The following HOOK1 variants were observed in gnomAD, a reference collection of about 807,000 sequenced individuals.
HOOK1 encodes the protein protein Hook homolog 1.
In HOOK1, 60 loss-of-function variants were observed where a neutral mutation model predicts 112.8. The ratio of observed to expected loss-of-function variants is 0.53; its 90% confidence interval spans 0.43 to 0.66. The LOEUF (loss-of-function observed/expected upper bound fraction) is 0.66. Among genes scored for constraint, HOOK1 ranks in the 30% least tolerant of loss-of-function variants. HOOK1 has a pLI of 0.00. For synonymous variants in HOOK1, 294 were observed against 283.8 expected (o/e 1.04, Z -0.36); for missense variants, 770 against 856.0 (o/e 0.90, Z 1.25).
chr1:59,815,498 C>T, intron 1 of HOOK1: 1 of 387,898 alleles, frequency 2.6e-6, no homozygotes, highest in East Asian at 5.7e-5. Flanking sequence ...CCTCTTTTCT[C>T]CCCGCTGCCC....
intron 21 of HOOK1, 37 bp from the exon 22 acceptor site, chr1:59,872,758 T>C: frequency 1.5e-6 from 2 of 1,340,828 alleles, no homozygotes; most frequent in South Asian, 2.0e-5. Context: ...CTCTGTTTAG[T>C]CATGTTAAAT....
At chr1:59,861,764 A>T (rs553003487) in intron 15 of HOOK1, among the ~76,000 whole-genome samples, 82 of 152,294 alleles carry the variant, frequency 5.4e-4, no homozygotes, top group African/African-American at 1.9e-3. Flanking sequence ...TGGTGTACTT[A>T]CTATAAGGGT....
chr1:59,846,787 T>C (rs922176886), intron 9 of HOOK1, among the ~76,000 whole-genome samples: 1 of 151,526 alleles, frequency 6.6e-6, no homozygotes, highest in African/African-American at 2.4e-5. Flanking sequence ...AGGAATGTGT[T>C]GTTTAATTTA....
chr1:59,817,278 C>T (rs947728283), intron 1 of HOOK1, among the ~76,000 whole-genome samples: 1 of 152,204 alleles, frequency 6.6e-6, no homozygotes, highest in African/African-American at 2.4e-5. Flanking sequence ...ATGCTTCACT[C>T]TCATTCAGTC....
chr1:59,862,867 A>G lies in HOOK1; in HGVS notation c.1616A>G (p.Glu539Gly). ...TTACAGGAACAAGGTTCCAAGTCTG[A>G]AGGCGAAAGTGTAAGTAACTTAGAA... Reference protein sequence around the residue: ...KSLQEQGSKSEGESSSKLKQK... With the variant: ...KSLQEQGSKSGGESSSKLKQK... The change falls in exon 16 of 22, where the codon GAA (glutamate) becomes GGA (glycine). Residue 539 changes from glutamate to glycine, a missense_variant. Around this residue, in one of 3 missense-constraint regions of HOOK1, gnomAD observed 655 missense variants for 725.9 expected, o/e 0.90. Transcript: ENST00000371208. 6.3e-7 allele frequency: 1 copy of G among 1,592,386 alleles called. No homozygotes were observed. The highest frequency in any genetic ancestry group is 8.6e-7 in the Non-Finnish European group (1 of 1,160,406).
chr1:59,832,231 C>T lies in HOOK1; in HGVS notation c.273+18C>T. On this transcript the variant is annotated intron_variant, in intron 4 of 21. Coordinates refer to ENST00000371208, the MANE Select transcript of HOOK1 (RefSeq NM_015888.6). ...ATCATGAGGTATGAAAACCATCTGA[C>T]TTTGTTTAAATGCATCATGCTATAC... The T allele has an allele frequency of 6.6e-7, 1 of 1,505,504 alleles. No homozygotes were observed. Among genetic ancestry groups the T allele is most frequent in the Non-Finnish European group, 9.1e-7 (1 of 1,104,034 alleles). 93.3% of individuals were successfully genotyped at this position (1,505,504 alleles called of 1,614,324 possible).
chr1:59,863,793 C>T, intron 16 of HOOK1: 1 of 798,818 alleles, frequency 1.3e-6, no homozygotes, highest in Non-Finnish European at 1.5e-6. Flanking sequence ...ATATTATTTT[C>T]TTTTTTTTTT....
intron 15 of HOOK1, 74 bp from the exon 16 acceptor site, chr1:59,862,710 G>A: frequency 3.6e-6 from 3 of 830,422 alleles, no homozygotes; most frequent in Non-Finnish European, 6.0e-6. Flanking sequence ...ATTGCTAACT[G>A]AATGTACCTT....
rs578189895 is a variant in HOOK1 at position 59,870,212 on chromosome 1, A to G, written c.1948-830A>G. Among the ~76,000 whole-genome samples the G allele has an allele frequency of 1.4e-4, 22 of 152,350 alleles. No individual in the cohort carries two copies. The South Asian group carries it at 2.7e-3, about 19-fold the overall frequency. ...TTTGAAATGTACATCCCCAACAGATATGATGAGAAAATAGTCCCTGTAACT... is the reference window on the plus strand; with the variant it reads ...TTTGAAATGTACATCCCCAACAGATGTGATGAGAAAATAGTCCCTGTAACT... On this transcript the variant is annotated intron_variant, in intron 20 of 21. Transcript: ENST00000371208.
chr1:59,866,595 C>G (rs1559063158), intron 19 of HOOK1, among the ~76,000 whole-genome samples: 1 of 152,044 alleles, frequency 6.6e-6, no homozygotes, highest in Non-Finnish European at 1.5e-5. Flanking sequence ...TTCACTTGAC[C>G]TTGTCCAACT....
intron 1 of HOOK1, 108 bp from the exon 2 acceptor site, chr1:59,821,750 T>G (rs986315079): frequency 3.3e-5 from 12 of 364,872 alleles, no homozygotes; most frequent in Admixed American, 2.0e-4. Flanking sequence ...CAGGACCATG[T>G]TTTTTTTTTT....
intron 12 of HOOK1, among the ~76,000 whole-genome samples, chr1:59,855,615 T>C (rs2098410034): frequency 6.6e-6 from 1 of 152,000 alleles, no homozygotes; most frequent in South Asian, 2.1e-4. Context: ...GTGCTACTTT[T>C]AAAGAATAAG....
chr1:59,852,808 C>T (rs2098407943), intron 12 of HOOK1, among the ~76,000 whole-genome samples: 1 of 151,328 alleles, frequency 6.6e-6, no homozygotes, highest in Non-Finnish European at 1.5e-5. Context: ...ATTTATTTTG[C>T]TACATCCTGT....
intron 18 of HOOK1, 84 bp from the exon 19 acceptor site, chr1:59,865,782 TTATAAA>T (rs1643953041): frequency 1.9e-5 from 9 of 465,328 alleles, no homozygotes; most frequent in East Asian, 1.2e-4. Flanking sequence ...AAAATAAATA[TTATAAA>T]TATAATTTTA....
chr1:59,850,453 A>C (rs932325526), intron 12 of HOOK1, among the ~76,000 whole-genome samples: 1 of 151,426 alleles, frequency 6.6e-6, no homozygotes, highest in African/African-American at 2.4e-5. Context: ...GTGTAACCTA[A>C]GGTACAAAGA....
At chr1:59,833,366 C>T (rs72921691) in intron 4 of HOOK1, 39 bp from the exon 5 acceptor site, 19,042 of 1,393,476 alleles carry the variant, frequency 0.014, 200 homozygotes, top group African/African-American at 0.043. Flanking sequence ...TCTTTGCAGC[C>T]GACATAAATG....
At chr1:59,833,851 G>A (rs995841284) in intron 5 of HOOK1, among the ~76,000 whole-genome samples, 2 of 152,102 alleles carry the variant, frequency 1.3e-5, no homozygotes, top group Non-Finnish European at 2.9e-5. Flanking sequence ...GATACATTAT[G>A]TCTATTTTAC....
intron 5 of HOOK1, among the ~76,000 whole-genome samples, chr1:59,834,031 A>G (rs1308218088): frequency 1.3e-5 from 2 of 152,232 alleles, no homozygotes; most frequent in South Asian, 2.1e-4. Flanking sequence ...TTATATTGGT[A>G]TATCCAAACA....
chr1:59,828,453 A>G (rs1328474153), intron 2 of HOOK1, among the ~76,000 whole-genome samples: 2 of 152,198 alleles, frequency 1.3e-5, no homozygotes, highest in Non-Finnish European at 2.9e-5. Flanking sequence ...TCATATTTAA[A>G]TGAAATAACT....
Sources: gnomAD v4.1 joint callset for allele counts (sites outside exome capture counted in the v4.1 genomes callset) on GRCh38, gnomAD v4.1.1 for gene constraint, gnomAD v4.1.1 regional missense constraint, MANE v1.5 for transcripts, NCBI Gene and HGNC (gene_info 2026-07-23, HGNC 2026-07-21) for gene names.